Variants in EBI3 observed in about 807,000 individuals in gnomAD.
EBI3 encodes Epstein-Barr virus induced 3.
In EBI3, 19 loss-of-function variants were observed where a neutral mutation model predicts 21.3. That is an observed-to-expected ratio of 0.89 (90% confidence interval 0.62 to 1.31). The LOEUF is 1.31. Ranked by LOEUF, EBI3 falls within the 50% of genes most tolerant of loss-of-function variation. The pLI is 0.00. For missense variants in EBI3, 331 were observed against 314.0 expected (o/e 1.05, Z -0.41); for synonymous variants, 154 against 131.2 (o/e 1.17, Z -1.19).
intron 3 of EBI3, among the ~76,000 whole-genome samples, chr19:4,234,038 T>G (rs1970814798): frequency 6.6e-6 from 1 of 152,050 alleles, no homozygotes; most frequent in Non-Finnish European, 1.5e-5. Context: ...AAACCCTGCC[T>G]CTACTAAAAA....
intron 4 of EBI3, among the ~76,000 whole-genome samples, chr19:4,236,252 G>T (rs1010295869): frequency 6.6e-6 from 1 of 152,070 alleles, no homozygotes; most frequent in Non-Finnish European, 1.5e-5. Context: ...TACTCAGGAG[G>T]CTGAGGCAGG....
Position 4,236,849 on chromosome 19 carries a change from G to A in EBI3, c.538-87G>A, listed in dbSNP as rs190318464. ...ACTGGAGCCTGCAGGGGGCAGGGAG[G>A]ACTGCACGCTCCGTTGTGTGGTTCT... On this transcript the variant is annotated intron_variant, in intron 4 of 4. Coordinates refer to ENST00000221847, the MANE Select transcript of EBI3 (RefSeq NM_005755.3). The A allele has an allele frequency of 6.4e-5, 87 of 1,368,952 alleles. No homozygotes were observed. The African/African-American group carries it at 1.2e-3, about 19-fold the overall frequency. 84.8% of individuals were successfully genotyped at this position (1,368,952 alleles called of 1,614,324 possible).
At chr19:4,233,415 T>G in intron 3 of EBI3, 108 bp downstream of exon 3, 1 of 1,310,068 alleles carries the variant, frequency 7.6e-7, no homozygotes. Context: ...CCTTCACACT[T>G]AAGCAAAAAT....
At chr19:4,236,875 G>A in intron 4 of EBI3, 61 bp from the exon 5 acceptor site, 2 of 1,451,552 alleles carry the variant, frequency 1.4e-6, no homozygotes, top group African/African-American at 1.5e-5. Context: ...GTGTGGTTCT[G>A]TGCACAGTGG....
chr19:4,236,518 CAAAAAAAAA>C (rs4009634), intron 4 of EBI3, among the ~76,000 whole-genome samples: 311 of 30,520 alleles, frequency 0.01, 10 homozygotes, highest in African/African-American at 0.044. Flanking sequence ...AAGACTGTCT[CAAAAAAAAA>C]AAAAAAAAAA....
intron 4 of EBI3, among the ~76,000 whole-genome samples, chr19:4,235,876 G>A (rs541282844): frequency 5.3e-5 from 8 of 152,146 alleles, no homozygotes; most frequent in Non-Finnish European, 7.4e-5. Flanking sequence ...GCAGTGAGCC[G>A]TGTTGGCACC....
At chr19:4,236,533 A>AAAAAAAAAAAAAAC in intron 4 of EBI3, among the ~76,000 whole-genome samples, 1 of 149,552 alleles carries the variant, frequency 6.7e-6, no homozygotes, top group Non-Finnish European at 1.5e-5. Context: ...AAAAAAAAAA[A>AAAAAAAAAAAAAAC]AAAAAAAAAA....
chr19:4,231,063 C>T (rs1970777060), intron 1 of EBI3, 128 bp from the exon 2 acceptor site: 2 of 1,273,776 alleles, frequency 1.6e-6, no homozygotes, highest in Non-Finnish European at 2.1e-6. Flanking sequence ...CTATTTATTC[C>T]GAAAGCCTTT....
At chr19:4,230,216 G>A (rs1428038573) in intron 1 of EBI3, among the ~76,000 whole-genome samples, 3 of 152,194 alleles carry the variant, frequency 2.0e-5, no homozygotes, top group East Asian at 1.9e-4. Flanking sequence ...GAGCCACCGC[G>A]CCCGGCCGAC....
chr19:4,229,668 C>G, intron 1 of EBI3, 51 bp downstream of exon 1: 1 of 1,543,096 alleles, frequency 6.5e-7, no homozygotes, highest in South Asian at 1.2e-5. Flanking sequence ...GGACATGACA[C>G]GAGGACTGGC....
intron 4 of EBI3, among the ~76,000 whole-genome samples, chr19:4,236,227 G>A (rs7260219): frequency 9.2e-4 from 140 of 152,142 alleles, no homozygotes; most frequent in Admixed American, 2.2e-3. Flanking sequence ...GGTGGCGGGC[G>A]CCTGTAATCC....
At chr19:4,229,663 T>C in intron 1 of EBI3, 46 bp downstream of exon 1, 7 of 1,561,428 alleles carry the variant, frequency 4.5e-6, no homozygotes, top group African/African-American at 1.4e-5. Context: ...CAGACGGACA[T>C]GACACGAGGA....
rs570046136 is a variant in EBI3, at chr19:4,234,693, C to A, written c.406C>A (p.Arg136Ser). 6.2e-7 allele frequency: 1 copy of A among 1,613,994 alleles called. No individual in the cohort carries two copies. The highest frequency in any genetic ancestry group is 1.1e-5 in the South Asian group (1 of 91,084). The change falls in exon 4 of 5, where the codon CGC (arginine) becomes AGC (serine). Residue 136 changes from arginine (R) to serine (S), a missense_variant. Arg to Ser is a moderately radical substitution (Grantham distance 110). Coordinates refer to ENST00000221847, the MANE Select transcript of EBI3 (RefSeq NM_005755.3). ...CAAGCCCGACCCTCCAGAAGGCGTGCGCCTAAGCCCCCTCGCTGAGCGCCA... is the reference window on the plus strand; with the variant it reads ...CAAGCCCGACCCTCCAGAAGGCGTGAGCCTAAGCCCCCTCGCTGAGCGCCA... ...IIKPDPPEGV[R>S]LSPLAERQLQ...
intron 4 of EBI3, among the ~76,000 whole-genome samples, chr19:4,235,398 A>C (rs3865516): frequency 0.12 from 17,968 of 143,904 alleles, 1,670 homozygotes; most frequent in South Asian, 0.32. Context: ...TGGCTCGCTG[A>C]AACCTCCGCC....
chr19:4,236,967 T>C lies in EBI3; in HGVS notation c.569T>C (p.Leu190Pro). The C allele has an allele frequency of 6.5e-7, 1 of 1,537,504 alleles. No homozygotes were observed. The highest frequency in any genetic ancestry group is 1.2e-5 in the South Asian group (1 of 81,292). ...VGPIEATSFI[L>P]RAVRPRARYY... ...CCCATTGAAGCCACGTCCTTCATCC[T>C]CAGGGCTGTGCGGCCCCGAGCCAGG... Residue 190 changes from leucine to proline, a missense_variant, in exon 5 of 5, where the codon CTC becomes CCC. Coordinates refer to ENST00000221847, the MANE Select transcript of EBI3 (RefSeq NM_005755.3).
rs1346287165 is a variant in EBI3 at position 4,237,158 on chromosome 19, A to T, written c.*70A>T. ...CCCTAAGCCCCGGGACACCTGTTGGAGGGCGGATGGGATCTGCCTAGCCTG... is the reference window on the plus strand; with the variant it reads ...CCCTAAGCCCCGGGACACCTGTTGGTGGGCGGATGGGATCTGCCTAGCCTG... On this transcript the variant is annotated 3_prime_UTR_variant, in exon 5 of 5. Coordinates refer to ENST00000221847, the MANE Select transcript of EBI3 (RefSeq NM_005755.3). 72 of 1,401,220 alleles carry T rather than the reference A, an allele frequency of 5.1e-5. No homozygotes were observed. The highest frequency in any genetic ancestry group is 2.7e-4 in the Middle Eastern group (1 of 3,696). The allele number at this position is 1,401,220 out of a possible 1,614,324, so 86.8% of individuals were successfully genotyped here.
chr19:4,233,339 G>C (rs1477116774), intron 3 of EBI3, 32 bp downstream of exon 3: 4 of 1,539,820 alleles, frequency 2.6e-6, no homozygotes, highest in Admixed American at 3.8e-5. Context: ...GGCGGGGGCG[G>C]GGCTGCCGTC....
chr19:4,229,953 A>T (rs1397306371), intron 1 of EBI3, among the ~76,000 whole-genome samples: 5 of 151,740 alleles, frequency 3.3e-5, no homozygotes, highest in African/African-American at 1.2e-4. Context: ...ACAGAGTCTC[A>T]CTCTGTCGCC....
intron 3 of EBI3, among the ~76,000 whole-genome samples, chr19:4,233,659 C>T (rs1292976781): frequency 1.3e-5 from 2 of 152,170 alleles, no homozygotes; most frequent in African/African-American, 4.8e-5. Context: ...AAACCCTGGA[C>T]AACCTGCCCT....
Sources: allele counts gnomAD v4.1 joint callset (sites outside exome capture counted in the v4.1 genomes callset), GRCh38; gene constraint gnomAD v4.1.1; transcripts MANE v1.5; gene names NCBI Gene and HGNC (gene_info 2026-07-23, HGNC 2026-07-21).